CYP39A1: variants seen among roughly 807,000 people sequenced by gnomAD.
CYP39A1 encodes cytochrome P450 family 39 subfamily A member 1.
A neutral mutation model predicts 58.1 loss-of-function variants in CYP39A1; 49 were observed. The ratio of observed to expected loss-of-function variants is 0.84; its 90% confidence interval spans 0.67 to 1.07. The LOEUF (loss-of-function observed/expected upper bound fraction) is 1.07. Among genes scored for constraint, CYP39A1 ranks in the 50% least tolerant of loss-of-function variants. The pLI, the probability that CYP39A1 is intolerant of heterozygous loss-of-function variation, is 0.00. For missense variants in CYP39A1, 531 were observed against 539.4 expected, an observed-to-expected ratio of 0.98 and a Z score of 0.16; for synonymous variants, 209 against 187.6, an observed-to-expected ratio of 1.11 and a Z score of -0.93.
chr6:46,596,699 A>G (rs1417094021), intron 7 of CYP39A1, among the ~76,000 whole-genome samples: 1 of 151,998 alleles, frequency 6.6e-6, no homozygotes, highest in Non-Finnish European at 1.5e-5. Context: ...CGTGATGTGC[A>G]TACTTTATTT....
intron 8 of CYP39A1, among the ~76,000 whole-genome samples, chr6:46,594,923 A>C (rs1383582285): frequency 2.0e-5 from 3 of 152,012 alleles, no homozygotes; most frequent in Non-Finnish European, 4.4e-5. Context: ...CAAGAGGTTA[A>C]TATCCAAAAT....
intron 7 of CYP39A1, among the ~76,000 whole-genome samples, chr6:46,605,581 G>A (rs1582384502): frequency 6.6e-6 from 1 of 152,198 alleles, no homozygotes; most frequent in African/African-American, 2.4e-5. Flanking sequence ...AAGGGAAAGA[G>A]TTTAGAAATT....
Position 46,588,109 on chromosome 6 carries a change from A to T in CYP39A1, c.1086T>A (p.Gly362=), listed in dbSNP as rs755592578. The change falls in exon 9 of 12, where the codon GGT becomes GGA. Residue 362 remains glycine, a synonymous_variant. Coordinates refer to ENST00000275016, the MANE Select transcript of CYP39A1 (RefSeq NM_016593.5). ...AAAATGGAGACAACATCAACAAGTC[A>T]CCAGAAGGAATGATGTAATTCTATA... is the stretch of plus-strand genomic sequence containing the variant. ...VEILNYIIPS[G]DLLMLSPFWL... 9.4e-6 allele frequency: 15 copies of T among 1,595,168 alleles called. No individual in the cohort carries two copies. The highest frequency in any genetic ancestry group is 1.0e-5 in the Non-Finnish European group (12 of 1,169,952).
At chr6:46,557,826 A>G (rs1770734678) in intron 10 of CYP39A1, among the ~76,000 whole-genome samples, 1 of 150,632 alleles carries the variant, frequency 6.6e-6, no homozygotes, top group South Asian at 2.1e-4. Context: ...AATCCCAGCT[A>G]CTGCGGAGGC....
At chr6:46,642,593 A>G (rs1475605361) in intron 1 of CYP39A1, among the ~76,000 whole-genome samples, 1 of 152,180 alleles carries the variant, frequency 6.6e-6, no homozygotes, top group Non-Finnish European at 1.5e-5. Context: ...TAGAAATTAT[A>G]TCAACATTGT....
Position 46,555,141 on chromosome 6 carries a change from C to T in CYP39A1, c.1251-1287G>A, listed in dbSNP as rs12525597. Among the ~76,000 whole-genome samples the T allele has an allele frequency of 4.4e-3, 663 of 152,238 alleles. 10 individuals carry two copies. The highest frequency in any genetic ancestry group is 0.032 in the Admixed American group (494 of 15,272). On this transcript the variant is annotated intron_variant, in intron 10 of 11. Transcript: ENST00000275016. ...AAGATCTGCCCCTTACCTATCTCTG[C>T]AGTCTCCTCTCCCCCAGAGCTCCCC... is the stretch of plus-strand genomic sequence containing the variant.
intron 8 of CYP39A1, among the ~76,000 whole-genome samples, chr6:46,588,582 G>A (rs1253206427): frequency 6.6e-6 from 1 of 152,064 alleles, no homozygotes; most frequent in Non-Finnish European, 1.5e-5. Context: ...TCTGAGACAG[G>A]GACAATGGCC....
intron 7 of CYP39A1, among the ~76,000 whole-genome samples, chr6:46,600,153 G>A (rs980215554): frequency 6.0e-5 from 9 of 150,930 alleles, no homozygotes; most frequent in Admixed American, 2.0e-4. Context: ...TTTTGACATG[G>A]AGACTCGCTC....
chr6:46,641,532 A>T, intron 2 of CYP39A1, among the ~76,000 whole-genome samples: 1 of 152,170 alleles, frequency 6.6e-6, no homozygotes, highest in African/African-American at 2.4e-5. Flanking sequence ...ACAAAAAAGA[A>T]CCAGACACAA....
intron 10 of CYP39A1, among the ~76,000 whole-genome samples, chr6:46,570,260 A>G (rs982580195): frequency 6.6e-6 from 1 of 152,078 alleles, no homozygotes; most frequent in African/African-American, 2.4e-5. Flanking sequence ...TCATTTTTCA[A>G]GACTTAATTT....
Position 46,652,530 on chromosome 6 carries a change from A to T in CYP39A1, c.53T>A (p.Phe18Tyr). Residue 18 changes from phenylalanine to tyrosine, a missense_variant, in exon 1 of 12, where the codon TTC (phenylalanine) becomes TAC (tyrosine). Coordinates refer to ENST00000275016, the MANE Select transcript of CYP39A1 (RefSeq NM_016593.5). ...CAAATTCTTCCGCTGAAGGAGTAAG[A>T]ACAGAGCAAGGCAACCCAGGATTAT... ...VIIILGCLAL[F>Y]LLLQRKNLRR... 1 of 1,613,582 alleles carries T rather than the reference A, an allele frequency of 6.2e-7. No individual in the cohort carries two copies. Among genetic ancestry groups the T allele is most frequent in the Non-Finnish European group, 8.5e-7 (1 of 1,179,816 alleles).
chr6:46,558,801 G>A (rs1369797160), intron 10 of CYP39A1, among the ~76,000 whole-genome samples: 3 of 152,106 alleles, frequency 2.0e-5, no homozygotes, highest in Non-Finnish European at 4.4e-5. Flanking sequence ...ATTGAGACCA[G>A]CCTGACCAAC....
In CYP39A1 at chr6:46,639,637, C is replaced by A; in HGVS notation, c.345G>T (p.Leu115=). ...TCAACATAATATAGAGTTTTTCATGCAGTGCTAAAAAGACATTCTTTGGAA... is the reference window on the plus strand; with the variant it reads ...TCAACATAATATAGAGTTTTTCATGAAGTGCTAAAAAGACATTCTTTGGAA... ...ASIPKNVFLA[L]HEKLYIMLKG... Residue 115 remains leucine (L), a synonymous_variant, in exon 3 of 12, where the codon CTG becomes CTT. Coordinates refer to ENST00000275016, the MANE Select transcript of CYP39A1 (RefSeq NM_016593.5). 6.2e-7 allele frequency: 1 copy of A among 1,613,578 alleles called. No homozygotes were observed. Among genetic ancestry groups the A allele is most frequent in the Admixed American group, 1.7e-5 (1 of 59,902 alleles).
intron 7 of CYP39A1, among the ~76,000 whole-genome samples, chr6:46,623,076 G>A (rs1023057650): frequency 2.0e-5 from 3 of 152,216 alleles, no homozygotes; most frequent in Non-Finnish European, 2.9e-5. Context: ...TCCCAAGAAG[G>A]AAATGGTGAT....
chr6:46,637,863 CA>C lies in CYP39A1; in HGVS notation c.603del (p.Phe201LeufsTer12). On this transcript the variant is annotated frameshift_variant, in exon 4 of 12. Coordinates refer to ENST00000275016, the MANE Select transcript of CYP39A1 (RefSeq NM_016593.5). LOFTEE classifies it high-confidence loss of function. ...HQYFQVYDEDFEYGSQLPECL... is the reference protein window; with the variant it reads ...HQYFQVYDEDXEYGSQLPECL... ...CACTCTGGCAACTGGGACCCATACT[CA>C]AAATCTTCATCATAAACTTGAAAAT... 1 of 1,612,328 alleles carries C rather than the reference CA, an allele frequency of 6.2e-7. No individual in the cohort carries two copies. Among genetic ancestry groups the C allele is most frequent in the Admixed American group, 1.7e-5 (1 of 59,584 alleles).
At chr6:46,557,808 G>T (rs1016208044) in intron 10 of CYP39A1, among the ~76,000 whole-genome samples, 4 of 151,020 alleles carry the variant, frequency 2.6e-5, no homozygotes, top group African/African-American at 9.7e-5. Flanking sequence ...GTGGTGGTGG[G>T]TGCCTGTAAT....
rs369756689 is a variant in CYP39A1 at position 46,549,616 on chromosome 6, AT to A, written c.*749del. On this transcript the variant is annotated 3_prime_UTR_variant, in exon 12 of 12. Transcript: ENST00000275016. ...TACCGTTATATTTGTGTTTCTATGC[AT>A]TAGCAAAAATATGGTATCTGCCAAA... The A allele has an allele frequency of 6.9e-4, 105 of 152,304 alleles. No individual in the cohort carries two copies. The highest frequency in any genetic ancestry group is 2.5e-3 in the African/African-American group (104 of 41,574). 9.4% of individuals were successfully genotyped at this position (152,304 alleles called of 1,614,324 possible).
intron 8 of CYP39A1, among the ~76,000 whole-genome samples, chr6:46,592,900 G>C (rs1772927905): frequency 6.6e-6 from 1 of 152,110 alleles, no homozygotes; most frequent in Admixed American, 6.6e-5. Flanking sequence ...TGGTTGCAGT[G>C]AGCCAAGATC....
intron 7 of CYP39A1, among the ~76,000 whole-genome samples, chr6:46,617,157 T>A (rs760869706): frequency 3.3e-5 from 5 of 152,162 alleles, no homozygotes; most frequent in Non-Finnish European, 7.4e-5. Context: ...GGCAGACACA[T>A]CATATTGTTT....
Sources: gnomAD v4.1 joint callset for allele counts (sites outside exome capture counted in the v4.1 genomes callset) on GRCh38, gnomAD v4.1.1 for gene constraint, MANE v1.5 for transcripts, NCBI Gene and HGNC (gene_info 2026-07-23, HGNC 2026-07-21) for gene names.